The following NDUFB3 variants were observed in gnomAD, a reference collection of about 807,000 sequenced individuals.
NDUFB3 encodes the protein NADH dehydrogenase [ubiquinone] 1 beta subcomplex subunit 3.
Under a neutral mutation model 9.0 loss-of-function variants are expected in NDUFB3, and 7 were observed. That is an observed-to-expected ratio of 0.78 (90% CI 0.44 to 1.46). The LOEUF is 1.46. Ranked by LOEUF, NDUFB3 falls within the 40% of genes most tolerant of loss-of-function variation. The probability of loss-of-function intolerance (pLI) is 0.01; values close to 1 mark genes in which losing one functional copy is unlikely to be tolerated. For missense variants in NDUFB3, 93 were observed against 115.4 expected (o/e 0.81, Z 0.89); for synonymous variants, 29 against 38.5 (o/e 0.75, Z 0.91).
chr2:201,072,868 A>G (rs1204053823), intron 1 of NDUFB3, among the ~76,000 whole-genome samples: 1 of 152,196 alleles, frequency 6.6e-6, no homozygotes, highest in African/African-American at 2.4e-5. Context: ...ATAACTTAGA[A>G]CATGCAGTCT....
rs548270774 is a variant in NDUFB3, at chr2:201,083,235, T to G, written c.141-2224T>G. ...CTTATTCCCAACTGGGAGAAAACAT[T>G]TGGTGGGTCACCACTTAGTATGATG... On this transcript the variant is annotated intron_variant, in intron 2 of 2. Transcript: ENST00000237889. Among the ~76,000 whole-genome samples the G allele has an allele frequency of 2.8e-4, 42 of 152,272 alleles. No individual in the cohort carries two copies. In the South Asian group the frequency reaches 7.9e-3, roughly 29 times the overall value.
At chr2:201,073,557 C>T (rs187007157) in intron 1 of NDUFB3, among the ~76,000 whole-genome samples, 1 of 152,228 alleles carries the variant, frequency 6.6e-6, no homozygotes, top group Non-Finnish European at 1.5e-5. Flanking sequence ...TAATGAGGTC[C>T]AGAGATCGAG....
intron 1 of NDUFB3, among the ~76,000 whole-genome samples, chr2:201,076,336 T>A (rs552267106): frequency 2.2e-4 from 33 of 151,398 alleles, no homozygotes; most frequent in African/African-American, 8.0e-4. Context: ...ATAGGGAGGG[T>A]CCATCGCTAT....
intron 1 of NDUFB3, among the ~76,000 whole-genome samples, chr2:201,075,397 C>T (rs1195462787): frequency 6.6e-6 from 1 of 151,628 alleles, no homozygotes; most frequent in African/African-American, 2.4e-5. Context: ...AACCCCATCT[C>T]TACTACAAAA....
At chr2:201,079,686 G>C (rs1044466440) in intron 2 of NDUFB3, among the ~76,000 whole-genome samples, 1 of 151,818 alleles carries the variant, frequency 6.6e-6, no homozygotes, top group Non-Finnish European at 1.5e-5. Context: ...GAAGTGATCT[G>C]CCCACCTTGG....
Position 201,085,699 on chromosome 2 carries a change from C to A in NDUFB3, c.*84C>A. The A allele has an allele frequency of 8.7e-7, 1 of 1,155,508 alleles. No individual in the cohort carries two copies. The allele number at this position is 1,155,508 out of a possible 1,614,324, so 71.6% of individuals were successfully genotyped here. A position where few individuals can be genotyped will look rare whatever the true frequency, so the allele number is the denominator to read the frequency against. On this transcript the variant is annotated 3_prime_UTR_variant, in exon 3 of 3. Coordinates refer to ENST00000237889, the MANE Select transcript of NDUFB3 (RefSeq NM_002491.3). ...CTGTAGCCTACTTGTCTGGTTTATC[C>A]CTTACAGAATATTAGTAAGATTTAA...
intron 1 of NDUFB3, among the ~76,000 whole-genome samples, chr2:201,075,192 AAAAG>A (rs1316429422): frequency 5.6e-4 from 85 of 151,728 alleles, no homozygotes; most frequent in African/African-American, 1.8e-3. Context: ...AAAAAAAAAA[AAAAG>A]AAAAAGAAAA....
rs1414980835 is a variant in NDUFB3, at chr2:201,085,684, C to T, written c.*69C>T. 1.5e-6 allele frequency: 2 copies of T among 1,376,380 alleles called. No individual in the cohort carries two copies. Among genetic ancestry groups the T allele is most frequent in the Admixed American group, 4.2e-5 (2 of 47,224 alleles). 85.3% of individuals were successfully genotyped at this position (1,376,380 alleles called of 1,614,324 possible). ...AATAAGATTTCTTCTCTGTAGCCTA[C>T]TTGTCTGGTTTATCCCTTACAGAAT... is the stretch of plus-strand genomic sequence containing the variant. On this transcript the variant is annotated 3_prime_UTR_variant, in exon 3 of 3. Coordinates refer to ENST00000237889, the MANE Select transcript of NDUFB3 (RefSeq NM_002491.3).
intron 1 of NDUFB3, 72 bp from the exon 2 acceptor site, chr2:201,078,807 CAT>C (rs2047193378): frequency 2.2e-6 from 3 of 1,362,964 alleles, no homozygotes; most frequent in Non-Finnish European, 3.0e-6. Flanking sequence ...TACCTTAAAA[CAT>C]AAACAATAAA....
rs1333424223 is a variant in NDUFB3, at chr2:201,078,960, G to C, written c.78G>C (p.Gly26=). ...LPDYRQWKIE[G]TPLETIQKKL... ...ATTATAGACAATGGAAGATAGAAGG[G>C]ACACCATTAGAAACTATCCAGAAGA... is the stretch of plus-strand genomic sequence containing the variant. The change falls in exon 2 of 3, where the codon GGG becomes GGC. Residue 26 remains glycine, a synonymous_variant. Coordinates refer to ENST00000237889, the MANE Select transcript of NDUFB3 (RefSeq NM_002491.3). 6 of 1,613,438 alleles carry C rather than the reference G, an allele frequency of 3.7e-6. No individual in the cohort carries two copies. The highest frequency in any genetic ancestry group is 1.3e-5 in the African/African-American group (1 of 74,866).
intron 1 of NDUFB3, among the ~76,000 whole-genome samples, chr2:201,077,243 A>C (rs763064793): frequency 6.6e-5 from 10 of 152,146 alleles, no homozygotes; most frequent in Non-Finnish European, 1.5e-4. Flanking sequence ...AGTAATTAGA[A>C]AAATAAAAAT....
intron 1 of NDUFB3, among the ~76,000 whole-genome samples, chr2:201,075,980 G>A (rs115323082): frequency 0.028 from 4,327 of 152,194 alleles, 218 homozygotes; most frequent in African/African-American, 0.099. Context: ...TGAAAACATG[G>A]TATGCAGAAG....
chr2:201,083,351 CT>C (rs748310803), intron 2 of NDUFB3, among the ~76,000 whole-genome samples: 21,310 of 119,906 alleles, frequency 0.18, 1,358 homozygotes, highest in African/African-American at 0.24. Flanking sequence ...TTTATTATTT[CT>C]TTTTTTTTTT....
chr2:201,078,767 A>G (rs547582753), intron 1 of NDUFB3, 114 bp from the exon 2 acceptor site: 4 of 1,045,072 alleles, frequency 3.8e-6, no homozygotes, highest in Non-Finnish European at 4.1e-6. Context: ...AAGTATTTAT[A>G]TTGGCTTTTT....
chr2:201,082,729 C>T (rs1345505624), intron 2 of NDUFB3, among the ~76,000 whole-genome samples: 8 of 102,664 alleles, frequency 7.8e-5, no homozygotes, highest in Non-Finnish European at 1.2e-4. Context: ...TTTTTTGAGA[C>T]GGAGTCTCAC....
chr2:201,080,530 A>G (rs2047210952), intron 2 of NDUFB3, among the ~76,000 whole-genome samples: 1 of 152,082 alleles, frequency 6.6e-6, no homozygotes, highest in South Asian at 2.1e-4. Context: ...AGATCTGGCC[A>G]CTGCACTCCA....
At chr2:201,073,812 G>A (rs2047129102) in intron 1 of NDUFB3, among the ~76,000 whole-genome samples, 1 of 151,868 alleles carries the variant, frequency 6.6e-6, no homozygotes, top group African/African-American at 2.4e-5. Flanking sequence ...GAGGCTTGAT[G>A]TCTCTAAGAA....
intron 2 of NDUFB3, among the ~76,000 whole-genome samples, chr2:201,079,461 T>C (rs1349731413): frequency 6.6e-6 from 1 of 151,716 alleles, no homozygotes; most frequent in Non-Finnish European, 1.5e-5. Context: ...AGTTTTTGGT[T>C]TGTTTTGAGA....
chr2:201,078,782 T>TA, intron 1 of NDUFB3, 99 bp from the exon 2 acceptor site: 9 of 1,154,558 alleles, frequency 7.8e-6, no homozygotes, highest in Non-Finnish European at 9.6e-6. Context: ...CTTTTTTTTT[T>TA]AATATTAAAT....
Sources: gnomAD v4.1 joint callset for allele counts (sites outside exome capture counted in the v4.1 genomes callset) on GRCh38, gnomAD v4.1.1 for gene constraint, MANE v1.5 for transcripts, NCBI Gene and HGNC (gene_info 2026-07-23, HGNC 2026-07-21) for gene names.